The following B4GALNT3 variants were observed in gnomAD, a reference collection of about 807,000 sequenced individuals.
B4GALNT3 encodes the protein beta-1,4-N-acetylgalactosaminyltransferase 3.
A neutral mutation model predicts 120.2 loss-of-function variants in B4GALNT3; 86 were observed. The ratio of observed to expected loss-of-function variants is 0.72; its 90% CI spans 0.60 to 0.86. The LOEUF is 0.86. Among genes scored for constraint, B4GALNT3 ranks in the 40% least tolerant of loss-of-function variants. The pLI, the probability that B4GALNT3 is intolerant of heterozygous loss-of-function variation, is 0.00. For synonymous variants in B4GALNT3, 518 were observed against 510.4 expected, an observed-to-expected ratio of 1.01 and a Z score of -0.20; for missense variants, 1,167 against 1,298.9, an observed-to-expected ratio of 0.90 and a Z score of 1.56.
intron 1 of B4GALNT3, among the ~76,000 whole-genome samples, chr12:493,879 C>T (rs538871325): frequency 5.3e-5 from 8 of 152,222 alleles, no homozygotes; most frequent in Admixed American, 3.9e-4. Context: ...CAGTAGAGTC[C>T]GTGTTGGAAA....
chr12:547,740 G>C (rs1168664238), intron 7 of B4GALNT3, among the ~76,000 whole-genome samples: 5 of 152,164 alleles, frequency 3.3e-5, no homozygotes, highest in African/African-American at 1.2e-4. Context: ...AACAGTGTCT[G>C]CCACAGTCTC....
intron 11 of B4GALNT3, 22 bp downstream of exon 11, chr12:551,053 T>C: frequency 6.4e-7 from 1 of 1,567,994 alleles, no homozygotes; most frequent in Non-Finnish European, 8.8e-7. Context: ...GCCTGGGTCA[T>C]GGAGAGCAGG....
rs1565608059 is a variant in B4GALNT3, at chr12:545,651, T to TGGG, written c.639+183_639+184insGGG. On this transcript the variant is annotated intron_variant, in intron 6 of 19. Coordinates refer to ENST00000266383, the MANE Select transcript of B4GALNT3 (RefSeq NM_173593.4). ...GGGATAAACTGAGGATGGGGAGGAG[T>TGGG]GAGGAGTGGGGAGGAGCGAGGTGTG... Among the ~76,000 whole-genome samples, 231 of 120,818 alleles carry TGGG rather than the reference T, an allele frequency of 1.9e-3. 1 individual carries two copies. Among genetic ancestry groups the TGGG allele is most frequent in the Middle Eastern group, 9.4e-3 (2 of 212 alleles). The allele number at this position is 120,818 out of a possible 152,430, so 79.3% of individuals were successfully genotyped here.
chr12:522,793 C>T (rs1469602311), intron 1 of B4GALNT3, among the ~76,000 whole-genome samples: 3 of 151,642 alleles, frequency 2.0e-5, no homozygotes, highest in African/African-American at 4.8e-5. Flanking sequence ...AAAAAATTAG[C>T]CAGGCATGGT....
At chr12:495,066 TC>T (rs1946376116) in intron 1 of B4GALNT3, among the ~76,000 whole-genome samples, 1 of 152,248 alleles carries the variant, frequency 6.6e-6, no homozygotes, top group Non-Finnish European at 1.5e-5. Context: ...CTTTCTGTGT[TC>T]CTGGCACAAT....
chr12:506,848 G>A (rs909023848), intron 1 of B4GALNT3, among the ~76,000 whole-genome samples: 1 of 152,194 alleles, frequency 6.6e-6, no homozygotes, highest in East Asian at 1.9e-4. Flanking sequence ...GTGTTAGCCA[G>A]GATGGTCTCG....
chr12:497,209 A>C (rs1946397780), intron 1 of B4GALNT3, among the ~76,000 whole-genome samples: 1 of 151,908 alleles, frequency 6.6e-6, no homozygotes, highest in Non-Finnish European at 1.5e-5. Context: ...GCTGGAGTGC[A>C]ATGCCGCGAT....
chr12:514,483 C>T (rs1292527706), intron 1 of B4GALNT3, among the ~76,000 whole-genome samples: 1 of 152,056 alleles, frequency 6.6e-6, no homozygotes, highest in South Asian at 2.1e-4. Flanking sequence ...AGGCATGAGC[C>T]ACCACGCCCA....
chr12:477,776 G>A (rs561833433), intron 1 of B4GALNT3, among the ~76,000 whole-genome samples: 5 of 152,258 alleles, frequency 3.3e-5, no homozygotes, highest in East Asian at 3.9e-4. Flanking sequence ...TGTCTTATCC[G>A]TTATTCTTCT....
intron 1 of B4GALNT3, among the ~76,000 whole-genome samples, chr12:481,934 G>A (rs186974551): frequency 3.8e-4 from 58 of 152,000 alleles, no homozygotes; most frequent in Admixed American, 2.2e-3. Context: ...ACATTGATAC[G>A]GCATCTTAGA....
rs1947064122 is a variant in B4GALNT3 at position 550,300 on chromosome 12, A to G, written c.997+388A>G. On this transcript the variant is annotated intron_variant, in intron 10 of 19. Transcript: ENST00000266383. The surrounding 1 kb of genome is among the most constrained non-coding windows in gnomAD (Gnocchi z 4.1). ...CACAGTGTTAGAGTCTTAATGCATG[A>G]TTCCTCTTGGGAGTGTTTACATTTT... 6.6e-6 allele frequency among the ~76,000 whole-genome samples: 1 copy of G among 152,312 alleles called. No individual in the cohort carries two copies. Among genetic ancestry groups the G allele is most frequent in the African/African-American group, 2.4e-5 (1 of 41,558 alleles).
intron 17 of B4GALNT3, among the ~76,000 whole-genome samples, 172 bp from the exon 18 acceptor site, chr12:558,336 T>G (rs888421444): frequency 6.6e-6 from 1 of 152,150 alleles, no homozygotes; most frequent in African/African-American, 2.4e-5. Context: ...ACTCTGATGG[T>G]TAAGACCTGT....
intron 14 of B4GALNT3, among the ~76,000 whole-genome samples, chr12:555,996 G>GAT (rs1947151175): frequency 6.6e-6 from 1 of 151,280 alleles, no homozygotes; most frequent in African/African-American, 2.4e-5. Context: ...TATTAGCCAG[G>GAT]CTGGTCTTGA....
At chr12:473,346 G>T (rs923590527) in intron 1 of B4GALNT3, among the ~76,000 whole-genome samples, 13 of 152,172 alleles carry the variant, frequency 8.5e-5, no homozygotes, top group African/African-American at 2.7e-4. Flanking sequence ...TTGCAGGATG[G>T]CTAGGATGTA....
At chr12:461,150 T>G (rs1946019013) in intron 1 of B4GALNT3, among the ~76,000 whole-genome samples, 2 of 152,096 alleles carry the variant, frequency 1.3e-5, no homozygotes, top group African/African-American at 4.8e-5. Context: ...CTCGGCTCTT[T>G]GAATCTCCCA....
intron 1 of B4GALNT3, among the ~76,000 whole-genome samples, chr12:508,242 T>C (rs1296476800): frequency 6.6e-6 from 1 of 152,212 alleles, no homozygotes; most frequent in Non-Finnish European, 1.5e-5. Context: ...CTCTGTTACC[T>C]CAGAAGGTCC....
At chr12:478,267 AAAAAATT>A (rs1356510336) in intron 1 of B4GALNT3, among the ~76,000 whole-genome samples, 1 of 106,318 alleles carries the variant, frequency 9.4e-6, no homozygotes, top group East Asian at 2.8e-4. Flanking sequence ...AAAAAAAAAA[AAAAAATT>A]AGAGGAGGTA....
intron 1 of B4GALNT3, among the ~76,000 whole-genome samples, chr12:464,038 TC>T (rs1181697282): frequency 6.6e-6 from 1 of 152,050 alleles, no homozygotes; most frequent in Non-Finnish European, 1.5e-5. Context: ...TCCTGACGAG[TC>T]CCCTTGTTGA....
intron 12 of B4GALNT3, 138 bp from the exon 13 acceptor site, chr12:552,329 A>ACACACACACACC (rs1947093462): frequency 2.4e-6 from 2 of 839,884 alleles, no homozygotes. Flanking sequence ...ACACACACAC[A>ACACACACACACC]CACACACCCG....
Sources: gnomAD v4.1 joint callset for allele counts (sites outside exome capture counted in the v4.1 genomes callset) on GRCh38, gnomAD v4.1.1 for gene constraint, Gnocchi (gnomAD v3.1) non-coding constraint, MANE v1.5 for transcripts, NCBI Gene and HGNC (gene_info 2026-07-23, HGNC 2026-07-21) for gene names.